DPP10: variants seen among roughly 807,000 people sequenced by gnomAD.
DPP10 encodes inactive dipeptidyl peptidase 10.
In DPP10, 33 loss-of-function variants were observed where a neutral mutation model predicts 120.9. The observed-to-expected ratio is 0.27, with a 90% CI of 0.21 to 0.37. The LOEUF is 0.37. Ranked by LOEUF, DPP10 falls within the 10% of genes least tolerant of loss-of-function variation. The pLI, the probability that DPP10 is intolerant of heterozygous loss-of-function variation, is 1.00. For synonymous variants in DPP10, 337 were observed against 326.1 expected, an observed-to-expected ratio of 1.03 and a Z score of -0.36; for missense variants, 816 against 942.8, an observed-to-expected ratio of 0.87 and a Z score of 1.76.
At chr2:114,649,349 T>G (rs1243877953) in intron 1 of DPP10, among the ~76,000 whole-genome samples, 9 of 151,960 alleles carry the variant, frequency 5.9e-5, no homozygotes, top group African/African-American at 1.9e-4. Flanking sequence ...CCTGAGATTT[T>G]TTTTTTCTTT....
chr2:115,663,643 G>T (rs1388888113), intron 5 of DPP10, among the ~76,000 whole-genome samples: 1 of 152,150 alleles, frequency 6.6e-6, no homozygotes, highest in African/African-American at 2.4e-5. Context: ...TCTAAGCTGA[G>T]TTGTTTTGTG....
At chr2:115,743,593 A>G (rs756228840) in intron 9 of DPP10, among the ~76,000 whole-genome samples, 19 of 152,190 alleles carry the variant, frequency 1.2e-4, no homozygotes, top group Non-Finnish European at 2.6e-4. Context: ...AACAATAATT[A>G]TCATTTTAAT....
At chr2:114,901,320 C>A (rs1217770969) in intron 1 of DPP10, among the ~76,000 whole-genome samples, 1 of 152,122 alleles carries the variant, frequency 6.6e-6, no homozygotes, top group African/African-American at 2.4e-5. Context: ...GTCTCAGCCT[C>A]CCGAGCAGAT....
intron 24 of DPP10, among the ~76,000 whole-genome samples, chr2:115,839,547 G>C (rs569922092): frequency 6.6e-6 from 1 of 151,622 alleles, no homozygotes; most frequent in African/African-American, 2.4e-5. Flanking sequence ...GGTGGTGCAC[G>C]CCTATAATCC....
At chr2:114,853,749 C>T (rs902193862) in intron 1 of DPP10, among the ~76,000 whole-genome samples, 5 of 152,140 alleles carry the variant, frequency 3.3e-5, no homozygotes, top group African/African-American at 1.2e-4. Context: ...AGAAAGTTAG[C>T]TGCCCTGTCA....
At chr2:114,896,045 G>A (rs905362199) in intron 1 of DPP10, among the ~76,000 whole-genome samples, 1 of 152,124 alleles carries the variant, frequency 6.6e-6, no homozygotes, top group African/African-American at 2.4e-5. Flanking sequence ...GATAGTTGTA[G>A]ATATGCAGCA....
chr2:115,800,582 G>A (rs940486140), intron 19 of DPP10, among the ~76,000 whole-genome samples: 7 of 152,194 alleles, frequency 4.6e-5, no homozygotes, highest in Admixed American at 2.0e-4. Context: ...TAACGTTTAA[G>A]TCTTTAATCC....
intron 1 of DPP10, among the ~76,000 whole-genome samples, chr2:114,761,709 T>G (rs1275624837): frequency 6.6e-6 from 1 of 152,158 alleles, no homozygotes; most frequent in East Asian, 1.9e-4. Flanking sequence ...TAAATCTATT[T>G]GAGCTCACTG....
intron 1 of DPP10, among the ~76,000 whole-genome samples, chr2:115,252,618 A>C (rs917178475): frequency 2.6e-5 from 4 of 152,198 alleles, no homozygotes; most frequent in Admixed American, 2.0e-4. Context: ...AGTCTATAGG[A>C]GCGGAAATCT....
chr2:114,962,376 A>G (rs765843861), intron 1 of DPP10, among the ~76,000 whole-genome samples: 6 of 152,202 alleles, frequency 3.9e-5, no homozygotes, highest in Non-Finnish European at 7.3e-5. Flanking sequence ...ATGGGATCAG[A>G]CATGTGAAAA....
chr2:114,459,569 A>G (rs191324617), intron 1 of DPP10, among the ~76,000 whole-genome samples: 2 of 152,276 alleles, frequency 1.3e-5, no homozygotes, highest in East Asian at 3.9e-4. Context: ...TGATGGGGTC[A>G]GTTTGGGATC....
intron 3 of DPP10, among the ~76,000 whole-genome samples, chr2:115,397,534 T>C (rs990745557): frequency 6.6e-6 from 1 of 152,180 alleles, no homozygotes; most frequent in African/African-American, 2.4e-5. Flanking sequence ...GTTAGACATA[T>C]ATGAATTACA....
In DPP10 at chr2:115,791,194, A is replaced by T; in HGVS notation, c.1630+15A>T. The T allele has an allele frequency of 6.2e-7, 1 of 1,609,708 alleles. No individual in the cohort carries two copies. The highest frequency in any genetic ancestry group is 8.5e-7 in the Non-Finnish European group (1 of 1,177,346). On this transcript the variant is annotated intron_variant, in intron 18 of 25. Coordinates refer to ENST00000410059, the MANE Select transcript of DPP10 (RefSeq NM_020868.6). ...TGACGACTATGGTAAAATTTTGTGC[A>T]TGCTATGTTATTCAAGAACAACTTT... is the stretch of plus-strand genomic sequence containing the variant.
intron 1 of DPP10, among the ~76,000 whole-genome samples, chr2:115,134,637 G>A (rs773546289): frequency 8.5e-5 from 13 of 152,154 alleles, no homozygotes; most frequent in Admixed American, 6.5e-4. Context: ...AAGGTACAGT[G>A]ACGCAAATAG....
chr2:115,484,412 A>G (rs1435761133), intron 3 of DPP10, among the ~76,000 whole-genome samples: 3 of 152,106 alleles, frequency 2.0e-5, no homozygotes, highest in Non-Finnish European at 4.4e-5. Flanking sequence ...CACATAATCA[A>G]TGCTTGGCAG....
intron 1 of DPP10, among the ~76,000 whole-genome samples, chr2:114,821,446 G>C (rs1686081318): frequency 6.6e-6 from 1 of 152,102 alleles, no homozygotes; most frequent in Non-Finnish European, 1.5e-5. Context: ...AAGCATTTTT[G>C]CAGCTGCTTT....
chr2:115,208,583 C>T (rs528383469), intron 1 of DPP10, among the ~76,000 whole-genome samples: 62 of 152,156 alleles, frequency 4.1e-4, no homozygotes, highest in African/African-American at 1.5e-3. Flanking sequence ...TATTATTTAC[C>T]AGTCTCCCTT....
At chr2:115,804,253 A>G (rs1232402389) in intron 19 of DPP10, among the ~76,000 whole-genome samples, 1 of 152,128 alleles carries the variant, frequency 6.6e-6, no homozygotes, top group Non-Finnish European at 1.5e-5. Context: ...TTCGTCACGT[A>G]GTTCTCGTGC....
chr2:114,715,321 T>C (rs926911826), intron 1 of DPP10, among the ~76,000 whole-genome samples: 4 of 152,182 alleles, frequency 2.6e-5, no homozygotes, highest in African/African-American at 9.6e-5. Flanking sequence ...TATAGTCTTT[T>C]AATGGCCAGG....
Sources: allele counts gnomAD v4.1 joint callset (sites outside exome capture counted in the v4.1 genomes callset), GRCh38; gene constraint gnomAD v4.1.1; transcripts MANE v1.5; gene names NCBI Gene and HGNC (gene_info 2026-07-23, HGNC 2026-07-21).